NTRK3: variants seen among roughly 807,000 people sequenced by gnomAD.
NTRK3 encodes neurotrophic receptor tyrosine kinase 3.
A neutral mutation model predicts 91.7 loss-of-function variants in NTRK3; 24 were observed. The ratio of observed to expected loss-of-function variants is 0.26; its 90% CI spans 0.19 to 0.37. NTRK3 has a LOEUF of 0.37. NTRK3 is among the 10% of genes least tolerant of loss of function. The probability of loss-of-function intolerance (pLI) is 1.00; values close to 1 mark genes in which losing one functional copy is unlikely to be tolerated. For missense variants in NTRK3, 880 were observed against 1,068.9 expected (o/e 0.82, Z 2.46); for synonymous variants, 483 against 404.0 (o/e 1.20, Z -2.34).
intron 6 of NTRK3, 75 bp from the exon 7 acceptor site, chr15:88,137,636 A>C: frequency 6.6e-7 from 1 of 1,505,480 alleles, no homozygotes; most frequent in Non-Finnish European, 9.1e-7. Flanking sequence ...CTATGAGGAC[A>C]AGGGGGACCC....
chr15:88,225,776 C>T (rs1323511792), intron 3 of NTRK3, among the ~76,000 whole-genome samples: 1 of 152,162 alleles, frequency 6.6e-6, no homozygotes, highest in Admixed American at 6.5e-5. Context: ...GCCGACAGCC[C>T]CGTACACCAC....
chr15:87,905,031 A>G (rs762072329), intron 17 of NTRK3, among the ~76,000 whole-genome samples: 2 of 152,212 alleles, frequency 1.3e-5, no homozygotes, highest in African/African-American at 2.4e-5. Flanking sequence ...AGCAGTAAAG[A>G]ACCAAAACTT....
chr15:88,157,227 TCTCACACA>T (rs1245597117), intron 5 of NTRK3, among the ~76,000 whole-genome samples: 1 of 151,776 alleles, frequency 6.6e-6, no homozygotes, highest in African/African-American at 2.4e-5. Context: ...TTCTTCCCTC[TCTCACACA>T]CACACACCAC....
At chr15:88,219,807 T>A (rs183170193) in intron 3 of NTRK3, among the ~76,000 whole-genome samples, 1 of 152,296 alleles carries the variant, frequency 6.6e-6, no homozygotes, top group East Asian at 1.9e-4. Context: ...CATTACATCA[T>A]CTCTCAGCCC....
Position 88,243,557 on chromosome 15 carries a change from C to T in NTRK3, c.248+12349G>A, listed in dbSNP as rs1028052059. ...GCATGCACACACACACACACACACA[C>T]ACACACACACACACACACACTGAGC... On this transcript the variant is annotated intron_variant, in intron 3 of 18. Transcript: ENST00000394480. The surrounding 1 kb of genome is among the most constrained non-coding windows in gnomAD (Gnocchi z 4.8). Among the ~76,000 whole-genome samples the T allele has an allele frequency of 1.3e-5, 2 of 151,490 alleles. No individual in the cohort carries two copies. Among genetic ancestry groups the T allele is most frequent in the Admixed American group, 6.6e-5 (1 of 15,242 alleles).
chr15:88,059,544 G>T (rs552994273), intron 13 of NTRK3, among the ~76,000 whole-genome samples: 29 of 152,232 alleles, frequency 1.9e-4, no homozygotes, highest in African/African-American at 5.8e-4. Context: ...TCCACTCTGT[G>T]CACAGCTCCA....
At position 88,182,468 on chromosome 15, in the gene NTRK3, C is replaced by G. The variant is rs1446508107; in HGVS notation, c.395+950G>C. On this transcript the variant is annotated intron_variant, in intron 5 of 18. Coordinates refer to ENST00000394480, the Ensembl canonical transcript of NTRK3. ...CGTTACCAAATGCAAAGTGCTCAGT[C>G]AGTGAAACTTTTAAGTGGCCACAGG... Among the ~76,000 whole-genome samples the G allele has an allele frequency of 2.0e-5, 3 of 152,180 alleles. No individual in the cohort carries two copies. In the East Asian group the frequency reaches 5.8e-4, roughly 29 times the overall value.
chr15:88,039,063 G>T (rs955527591), intron 13 of NTRK3, among the ~76,000 whole-genome samples: 3 of 151,102 alleles, frequency 2.0e-5, no homozygotes, highest in African/African-American at 7.3e-5. Flanking sequence ...TCTTGAAGCT[G>T]CTGAGGTGGA....
intron 3 of NTRK3, among the ~76,000 whole-genome samples, chr15:88,204,805 GCTGGGCAC>G (rs2048601168): frequency 6.6e-6 from 1 of 152,316 alleles, no homozygotes; most frequent in Admixed American, 6.5e-5. Context: ...CGTGCCACCT[GCTGGGCAC>G]AGTCTCTGGC....
chr15:87,994,119 C>T (rs879770311), intron 14 of NTRK3, among the ~76,000 whole-genome samples: 9 of 152,066 alleles, frequency 5.9e-5, no homozygotes, highest in South Asian at 4.2e-4. Flanking sequence ...AGATCACATG[C>T]GGGTGGGAAA....
chr15:87,972,906 A>T (rs1338907586), intron 14 of NTRK3, among the ~76,000 whole-genome samples: 1 of 152,204 alleles, frequency 6.6e-6, no homozygotes, highest in Non-Finnish European at 1.5e-5. Context: ...AATCTGAGCC[A>T]TCAGTACCTT....
chr15:88,253,555 A>G (rs2053659230), intron 3 of NTRK3: 1 of 152,286 alleles, frequency 6.6e-6, no homozygotes, highest in South Asian at 2.1e-4. Context: ...AGCTCAGTCA[A>G]TACCAGCCAT....
At chr15:87,862,496 A>G (rs971188858) in exon 19 of NTRK3, 2 of 227,896 alleles carry the variant, frequency 8.8e-6, no homozygotes, top group African/African-American at 4.4e-5. Flanking sequence ...AACATCTGTC[A>G]GATAGAAGGC....
chr15:88,231,734 GA>G (rs2051200398), intron 3 of NTRK3, among the ~76,000 whole-genome samples: 1 of 152,114 alleles, frequency 6.6e-6, no homozygotes, highest in South Asian at 2.1e-4. Flanking sequence ...GCGGTTTAAA[GA>G]GTTTTCAGAG....
At chr15:87,970,003 T>C (rs1209036767) in intron 14 of NTRK3, among the ~76,000 whole-genome samples, 3 of 152,144 alleles carry the variant, frequency 2.0e-5, no homozygotes, top group Admixed American at 6.5e-5. Flanking sequence ...CCAAGAGATG[T>C]CCTCCACTAA....
At chr15:88,144,017 G>A (rs2042639221) in intron 6 of NTRK3, 1 of 152,178 alleles carries the variant, frequency 6.6e-6, no homozygotes, top group Non-Finnish European at 1.5e-5. Flanking sequence ...TACATCCTCT[G>A]AGACCTCTTC....
chr15:88,156,216 C>T (rs1489783789), intron 5 of NTRK3, among the ~76,000 whole-genome samples: 2 of 152,166 alleles, frequency 1.3e-5, no homozygotes, highest in Admixed American at 6.5e-5. Flanking sequence ...TGAGTAGCTG[C>T]CAGCATCCTC....
At chr15:88,227,970 G>A (rs1457887533) in intron 3 of NTRK3, among the ~76,000 whole-genome samples, 2 of 152,126 alleles carry the variant, frequency 1.3e-5, no homozygotes, top group Non-Finnish European at 2.9e-5. Flanking sequence ...CTTGGCTTCA[G>A]CCCTCACCTC....
chr15:88,083,783 G>C (rs2048265398), intron 13 of NTRK3, among the ~76,000 whole-genome samples: 1 of 152,126 alleles, frequency 6.6e-6, no homozygotes, highest in African/African-American at 2.4e-5. Flanking sequence ...AATTAAAAGG[G>C]CTTTAGGCTT....
Sources: allele counts gnomAD v4.1 joint callset (sites outside exome capture counted in the v4.1 genomes callset), GRCh38; gene constraint gnomAD v4.1.1; non-coding constraint Gnocchi (gnomAD v3.1); transcripts MANE v1.5; gene names NCBI Gene and HGNC (gene_info 2026-07-23, HGNC 2026-07-21).